VPS13B: variants seen among roughly 807,000 people sequenced by gnomAD.
The protein encoded by VPS13B is intermembrane lipid transfer protein VPS13B.
In VPS13B, 285 loss-of-function variants were observed where a neutral mutation model predicts 426.4. The ratio of observed to expected loss-of-function variants is 0.67; its 90% confidence interval spans 0.61 to 0.74. VPS13B has a LOEUF of 0.74. Ranked by LOEUF, VPS13B falls within the 30% of genes least tolerant of loss-of-function variation. The pLI is 0.00. For missense variants in VPS13B, 4,537 were observed against 4,782.6 expected (o/e 0.95, Z 1.51); for synonymous variants, 1,676 against 1,676.4 (o/e 1.00, Z 0.01).
intron 30 of VPS13B, among the ~76,000 whole-genome samples, chr8:99,540,677 GA>G (rs1823569501): frequency 1.3e-5 from 2 of 152,090 alleles, no homozygotes; most frequent in African/African-American, 4.8e-5. Flanking sequence ...TTTTGAAACT[GA>G]AGAATTTATC....
At chr8:99,083,377 A>C (rs1289922846) in intron 3 of VPS13B, among the ~76,000 whole-genome samples, 1 of 152,172 alleles carries the variant, frequency 6.6e-6, no homozygotes, top group Non-Finnish European at 1.5e-5. Flanking sequence ...GGGGTTTTCT[A>C]GATATACAAT....
intron 36 of VPS13B, among the ~76,000 whole-genome samples, chr8:99,716,674 G>A (rs1383231429): frequency 6.6e-6 from 1 of 152,008 alleles, no homozygotes; most frequent in Non-Finnish European, 1.5e-5. Flanking sequence ...TGTGAAGTTT[G>A]GATTAAACTA....
chr8:99,873,220 T>C (rs1453935802), intron 61 of VPS13B: 5 of 152,244 alleles, frequency 3.3e-5, no homozygotes, highest in African/African-American at 1.2e-4. Flanking sequence ...TTTCTTTTGC[T>C]GTTGAACTGT....
chr8:99,730,988 A>G (rs1245608027), intron 39 of VPS13B, among the ~76,000 whole-genome samples: 39 of 152,196 alleles, frequency 2.6e-4, no homozygotes, highest in Non-Finnish European at 4.4e-5. Context: ...TCCTTGAAGG[A>G]TGAAGAGGAT....
chr8:99,411,330 T>G (rs987139057), intron 21 of VPS13B, among the ~76,000 whole-genome samples: 2 of 152,254 alleles, frequency 1.3e-5, no homozygotes, highest in African/African-American at 4.8e-5. Context: ...GAGCTTTTAT[T>G]CATATGATTG....
rs199899951 is a variant in VPS13B, at chr8:99,016,660, C to T, written c.147+2725C>T. 9.3e-5 allele frequency among the ~76,000 whole-genome samples: 13 copies of T among 140,304 alleles called. 1 individual carries two copies. Among genetic ancestry groups the T allele is most frequent in the African/African-American group, 2.9e-4 (11 of 37,424 alleles). 92.0% of individuals were successfully genotyped at this position (140,304 alleles called of 152,430 possible). The stretch of plus-strand genomic sequence containing the variant: ...AGGCTGGAGTGCAGTGGTGCGATCT[C>T]GGCTCACTGCAAGCTTCACCTCCCA... On this transcript the variant is annotated intron_variant, in intron 2 of 61. Transcript: ENST00000357162.
At chr8:99,303,730 C>CAAAAAAAAAAAAAA (rs58708195) in intron 19 of VPS13B, among the ~76,000 whole-genome samples, 12 of 63,706 alleles carry the variant, frequency 1.9e-4, no homozygotes, top group East Asian at 1.1e-3. Context: ...GACTCCGTCT[C>CAAAAAAAAAAAAAA]AAAAAAAAAA....
At chr8:99,301,528 G>A (rs1225955835) in intron 19 of VPS13B, among the ~76,000 whole-genome samples, 1 of 152,002 alleles carries the variant, frequency 6.6e-6, no homozygotes, top group Non-Finnish European at 1.5e-5. Flanking sequence ...GACCTCAGGT[G>A]ATCTGCCTGC....
chr8:99,509,148 T>C (rs1440965396), intron 28 of VPS13B, among the ~76,000 whole-genome samples: 4 of 152,172 alleles, frequency 2.6e-5, no homozygotes, highest in Non-Finnish European at 5.9e-5. Flanking sequence ...GTGATCACTG[T>C]GGCCTCTTCC....
chr8:99,050,564 G>C (rs983023098), intron 3 of VPS13B, among the ~76,000 whole-genome samples: 5 of 152,168 alleles, frequency 3.3e-5, no homozygotes, highest in African/African-American at 1.2e-4. Flanking sequence ...ATGGATGGCT[G>C]GGTCAAATGG....
intron 19 of VPS13B, among the ~76,000 whole-genome samples, chr8:99,377,557 G>C (rs1274428355): frequency 6.6e-6 from 1 of 152,076 alleles, no homozygotes; most frequent in Non-Finnish European, 1.5e-5. Context: ...CTTTCTCATA[G>C]TTTATCTTCA....
rs1841453199 is a variant in VPS13B, at chr8:99,013,952, T to G, written c.147+17T>G. ...CTGGAACAGGTAAGCTATTTAGCTG[T>G]CATTAACTGGAAACAGTTTTCAGCT... On this transcript the variant is annotated intron_variant, in intron 2 of 61. Transcript: ENST00000357162. 1.2e-6 allele frequency: 2 copies of G among 1,613,986 alleles called. No homozygotes were observed. The highest frequency in any genetic ancestry group is 4.5e-5 in the East Asian group (2 of 44,896).
At chr8:99,188,851 G>T (rs1199309438) in intron 16 of VPS13B, among the ~76,000 whole-genome samples, 1 of 151,978 alleles carries the variant, frequency 6.6e-6, no homozygotes, top group South Asian at 2.1e-4. Context: ...GCGCTTATTG[G>T]CCATTTGTAT....
intron 33 of VPS13B, among the ~76,000 whole-genome samples, chr8:99,604,761 ATTACAGG>A (rs1827495539): frequency 6.6e-6 from 1 of 151,950 alleles, no homozygotes; most frequent in Non-Finnish European, 1.5e-5. Context: ...AAGTGCTGGG[ATTACAGG>A]TTCCTTGGTT....
chr8:99,545,252 T>C (rs1823906869), intron 30 of VPS13B, among the ~76,000 whole-genome samples: 1 of 152,162 alleles, frequency 6.6e-6, no homozygotes, highest in Non-Finnish European at 1.5e-5. Flanking sequence ...AATTTTTCTG[T>C]ATCACTTGTA....
At chr8:99,555,133 C>T (rs565236823) in intron 30 of VPS13B, among the ~76,000 whole-genome samples, 228 of 152,184 alleles carry the variant, frequency 1.5e-3, no homozygotes, top group African/African-American at 5.1e-3. Context: ...CTCAGGTCTG[C>T]TCCTTGCTTC....
chr8:99,841,815 C>T (rs79340210), intron 54 of VPS13B, among the ~76,000 whole-genome samples: 5,262 of 152,204 alleles, frequency 0.035, 103 homozygotes, highest in Non-Finnish European at 0.041. Flanking sequence ...TCATCATCTC[C>T]CTCCCAGATT....
intron 17 of VPS13B, among the ~76,000 whole-genome samples, chr8:99,222,451 G>A (rs943705576): frequency 6.6e-6 from 1 of 152,106 alleles, no homozygotes; most frequent in African/African-American, 2.4e-5. Flanking sequence ...TGCCTAGCTT[G>A]GTAATTGGTG....
At chr8:99,168,671 T>G (rs1279214219) in intron 15 of VPS13B, among the ~76,000 whole-genome samples, 1 of 152,042 alleles carries the variant, frequency 6.6e-6, no homozygotes, top group Non-Finnish European at 1.5e-5. Flanking sequence ...TCAAAAAGAA[T>G]GAATGTGAAA....
Sources: allele counts gnomAD v4.1 joint callset (sites outside exome capture counted in the v4.1 genomes callset), GRCh38; gene constraint gnomAD v4.1.1; transcripts MANE v1.5; gene names NCBI Gene and HGNC (gene_info 2026-07-23, HGNC 2026-07-21).